Variants in LITAF observed in about 807,000 individuals in gnomAD.
LITAF encodes lipopolysaccharide induced TNF factor, also known as lipopolysaccharide-induced tumor necrosis factor-alpha factor.
Under a neutral mutation model 14.5 loss-of-function variants are expected in LITAF, and 9 were observed. That is an observed-to-expected ratio of 0.62 (90% confidence interval 0.37 to 1.08). The LOEUF is 1.08. Ranked by LOEUF, LITAF falls within the 50% of genes least tolerant of loss-of-function variation. LITAF has a pLI of 0.01. For missense variants in LITAF, 206 were observed against 213.4 expected, an observed-to-expected ratio of 0.97 and a Z score of 0.22; for synonymous variants, 98 against 88.2, an observed-to-expected ratio of 1.11 and a Z score of -0.62.
At chr16:11,601,509 A>G (rs2064926086), upstream of LITAF, among the ~76,000 whole-genome samples, 1 of 152,142 alleles carries the variant, frequency 6.6e-6, no homozygotes, top group East Asian at 1.9e-4. Flanking sequence ...ATAAAACCAT[A>G]GTATTTTCTT....
intron 3 of LITAF, among the ~76,000 whole-genome samples, chr16:11,630,441 T>G (rs1245838733): frequency 6.6e-6 from 1 of 152,176 alleles, no homozygotes; most frequent in East Asian, 1.9e-4. Context: ...GGACACCTCT[T>G]GGGCCTCATT....
intron 3 of LITAF, among the ~76,000 whole-genome samples, chr16:11,627,959 G>C (rs944272241): frequency 2.1e-5 from 3 of 143,560 alleles, no homozygotes; most frequent in Non-Finnish European, 4.5e-5. Context: ...GGAGGTTGCA[G>C]TGAGATTGCG....
chr16:11,611,451 A>G (rs1376191225), intron 3 of LITAF, among the ~76,000 whole-genome samples: 1 of 152,184 alleles, frequency 6.6e-6, no homozygotes, highest in African/African-American at 2.4e-5. Flanking sequence ...CTAAAAAATC[A>G]TTTGTTGTTT....
rs1359074371 is a variant in LITAF at position 11,586,554 on chromosome 16, G to T, written c.-6+332C>A. The stretch of plus-strand genomic sequence containing the variant: ...AAAAAGCCCAGGGGCCGTCCTCTCC[G>T]GGGAGGGGGACGCGGCGGGCCGCGA... On this transcript the variant is annotated intron_variant, in intron 1 of 3. Coordinates refer to ENST00000622633, the MANE Select transcript of LITAF (RefSeq NM_001136472.2). The surrounding 1 kb of genome is among the most constrained non-coding windows in gnomAD (Gnocchi z 6.5). Among the ~76,000 whole-genome samples the T allele has an allele frequency of 6.6e-6, 1 of 152,096 alleles. No homozygotes were observed. Among genetic ancestry groups the T allele is most frequent in the Non-Finnish European group, 1.5e-5 (1 of 67,960 alleles).
chr16:11,550,644 TA>T (rs2064168644), intron 3 of LITAF, among the ~76,000 whole-genome samples: 1 of 152,156 alleles, frequency 6.6e-6, no homozygotes, highest in South Asian at 2.1e-4. Flanking sequence ...GTAGATCTTT[TA>T]GTCTTTTTGT....
chr16:11,553,775 G>T lies in LITAF; in HGVS notation c.221-86C>A. 7.0e-7 allele frequency: 1 copy of T among 1,432,678 alleles called. No individual in the cohort carries two copies. Among genetic ancestry groups the T allele is most frequent in the Non-Finnish European group, 9.8e-7 (1 of 1,024,228 alleles). 88.7% of individuals were successfully genotyped at this position (1,432,678 alleles called of 1,614,324 possible). A position where few individuals can be genotyped will look rare whatever the true frequency, so the allele number is the denominator to read the frequency against. On this transcript the variant is annotated intron_variant, in intron 2 of 3. Transcript: ENST00000622633. This position sits in a 1 kb window ranked among gnomAD's most constrained non-coding sequence, Gnocchi z 7.7. ...TACAGGACAAAGAGAGGAACGCAGGGATGCCAGCAAATATTATATTTGTAC... is the reference window on the plus strand; with the variant it reads ...TACAGGACAAAGAGAGGAACGCAGGTATGCCAGCAAATATTATATTTGTAC...
At chr16:11,639,385 CATGGGTGGATAG>C (rs1426998949), upstream of LITAF, among the ~76,000 whole-genome samples, 1 of 120,510 alleles carries the variant, frequency 8.3e-6, no homozygotes, top group Non-Finnish European at 1.6e-5. Context: ...GTGGTGGATG[CATGGGTGGATAG>C]ATGGGTGGAT....
chr16:11,621,730 A>G (rs1047327676), intron 3 of LITAF, among the ~76,000 whole-genome samples: 1 of 151,856 alleles, frequency 6.6e-6, no homozygotes, highest in South Asian at 2.1e-4. Context: ...GCTCCCTGAC[A>G]CCTTGTAGTG....
intron 1 of LITAF, among the ~76,000 whole-genome samples, chr16:11,580,009 C>T (rs1348869888): frequency 6.6e-6 from 1 of 152,050 alleles, no homozygotes; most frequent in Non-Finnish European, 1.5e-5. Context: ...GTTGATTATC[C>T]CAAATGTGAA....
chr16:11,596,058 G>T (rs1270333677), intron 1 of LITAF, among the ~76,000 whole-genome samples: 1 of 152,126 alleles, frequency 6.6e-6, no homozygotes, highest in East Asian at 1.9e-4. Context: ...ACCGTCTGGG[G>T]GTGATGGCAC....
upstream of LITAF, among the ~76,000 whole-genome samples, chr16:11,639,238 T>A (rs1435823528): frequency 6.6e-6 from 1 of 150,700 alleles, no homozygotes; most frequent in African/African-American, 2.5e-5. Context: ...GAGGGATGGA[T>A]GGATAAATGG....
intron 1 of LITAF, among the ~76,000 whole-genome samples, chr16:11,562,955 T>A (rs562841666): frequency 7.3e-5 from 11 of 151,488 alleles, no homozygotes; most frequent in East Asian, 1.9e-4. Context: ...TCTTTAAAAA[T>A]TTTTTTTAAT....
chr16:11,635,928 A>G (rs2065136385), exon 2 of LITAF: 1 of 152,262 alleles, frequency 6.6e-6, no homozygotes, highest in East Asian at 1.9e-4. Context: ...GACACGGGGT[A>G]TTTACAGGAG....
At chr16:11,618,045 A>AT (rs1445211491) in intron 3 of LITAF, among the ~76,000 whole-genome samples, 1 of 151,764 alleles carries the variant, frequency 6.6e-6, no homozygotes, top group Non-Finnish European at 1.5e-5. Context: ...TTCCAAAAAA[A>AT]TTTTTTTGTT....
intron 1 of LITAF, chr16:11,584,099 A>C (rs12444653): frequency 0.15 from 23,244 of 152,182 alleles, 1,929 homozygotes; most frequent in South Asian, 0.23. Context: ...CATCAATCAA[A>C]TTCAGAACAG....
chr16:11,574,352 T>C (rs1332666795), intron 1 of LITAF, among the ~76,000 whole-genome samples: 1 of 152,098 alleles, frequency 6.6e-6, no homozygotes, highest in African/African-American at 2.4e-5. Context: ...TAGTATTTCT[T>C]TATATAATAT....
intron 3 of LITAF, among the ~76,000 whole-genome samples, chr16:11,551,527 C>G (rs182874026): frequency 1.3e-5 from 2 of 152,294 alleles, no homozygotes; most frequent in African/African-American, 4.8e-5. Context: ...GCCAGACTGG[C>G]AGAGGCCAAT....
chr16:11,598,566 C>T (rs1209680288), upstream of LITAF: 1 of 152,108 alleles, frequency 6.6e-6, no homozygotes, highest in Non-Finnish European at 1.5e-5. Context: ...ACAGGTTGCT[C>T]AACCTCCCGA....
At chr16:11,587,433 A>G (rs2064820418), upstream of LITAF, 1 of 450,948 alleles carries the variant, frequency 2.2e-6, no homozygotes, top group Non-Finnish European at 4.4e-6. Context: ...AGACCAAGAC[A>G]CTCTCTGTGC....
Sources: allele counts gnomAD v4.1 joint callset (sites outside exome capture counted in the v4.1 genomes callset), GRCh38; gene constraint gnomAD v4.1.1; non-coding constraint Gnocchi (gnomAD v3.1); transcripts MANE v1.5; gene names NCBI Gene and HGNC (gene_info 2026-07-23, HGNC 2026-07-21).